MIOS: variants seen among roughly 807,000 people sequenced by gnomAD.
MIOS encodes the protein GATOR2 complex protein MIOS.
In MIOS, 52 loss-of-function variants were observed where a neutral mutation model predicts 96.9. That is an observed-to-expected ratio of 0.54 (90% CI 0.43 to 0.68). The LOEUF (loss-of-function observed/expected upper bound fraction) is 0.68. MIOS is among the 30% of genes least tolerant of loss of function. The pLI is 0.00. For missense variants in MIOS, 1,005 were observed against 1,052.8 expected (o/e 0.95, Z 0.63); for synonymous variants, 397 against 359.5 (o/e 1.10, Z -1.18).
chr7:7,600,369 G>A (rs1052247898), intron 11 of MIOS, among the ~76,000 whole-genome samples: 13 of 152,044 alleles, frequency 8.6e-5, no homozygotes, highest in Non-Finnish European at 1.6e-4. Context: ...TAAAGGGATG[G>A]AGGAAGATCT....
intron 11 of MIOS, 156 bp from the exon 12 acceptor site, chr7:7,605,786 T>C (rs1231847384): frequency 1.6e-6 from 1 of 625,666 alleles, no homozygotes; most frequent in Non-Finnish European, 2.5e-6. Flanking sequence ...TGTCATTCAG[T>C]TTCGCTTCAT....
chr7:7,567,519 A>T (rs1398678447), intron 1 of MIOS, 88 bp from the exon 2 acceptor site: 1 of 152,220 alleles, frequency 6.6e-6, no homozygotes, highest in African/African-American at 2.4e-5. Flanking sequence ...GAGTAATGAA[A>T]ATTAAGAGGA....
At chr7:7,585,842 T>A in intron 7 of MIOS, 37 bp downstream of exon 7, 1 of 1,535,548 alleles carries the variant, frequency 6.5e-7, no homozygotes, top group Non-Finnish European at 8.8e-7. Flanking sequence ...TCCTTTGAAT[T>A]AAGATAGGAG....
At chr7:7,594,137 T>G (rs1259131523) in intron 9 of MIOS, among the ~76,000 whole-genome samples, 3 of 152,086 alleles carry the variant, frequency 2.0e-5, no homozygotes, top group Admixed American at 2.0e-4. Context: ...TTATTATTTT[T>G]AAGGCAAGAA....
intron 5 of MIOS, among the ~76,000 whole-genome samples, chr7:7,580,296 A>G (rs1783670255): frequency 6.6e-6 from 1 of 152,304 alleles, no homozygotes; most frequent in East Asian, 1.9e-4. Context: ...TTCATAAGCT[A>G]AAAGTGATTT....
rs373741698 is a variant in MIOS at position 7,585,696 on chromosome 7, C to A, written c.1709C>A (p.Ser570Tyr). The A allele has an allele frequency of 6.2e-7, 1 of 1,610,280 alleles. No individual in the cohort carries two copies. The highest frequency in any genetic ancestry group is 8.5e-7 in the Non-Finnish European group (1 of 1,178,340). The change falls in exon 7 of 13, where the codon TCC becomes TAC. Residue 570 changes from serine to tyrosine, a missense_variant. Ser to Tyr is a moderately radical substitution (Grantham distance 144). Around this residue, in one of 3 missense-constraint regions of MIOS, gnomAD observed 865 missense variants for 887.9 expected, o/e 0.97. Transcript: ENST00000340080. ...ALSGYTDEKNSLWREMCSTLR... is the reference protein window; with the variant it reads ...ALSGYTDEKNYLWREMCSTLR... ...TCGGGTTATACGGATGAGAAGAACT[C>A]CCTTTGGAGAGAAATGTGTAGCACA...
chr7:7,581,705 AG>A (rs1210120379), intron 5 of MIOS: 4 of 152,226 alleles, frequency 2.6e-5, no homozygotes, highest in African/African-American at 9.6e-5. Flanking sequence ...GGCTATTCAC[AG>A]TTCCTTGCCA....
chr7:7,575,332 C>T (rs2115362606), intron 5 of MIOS, among the ~76,000 whole-genome samples: 1 of 151,982 alleles, frequency 6.6e-6, no homozygotes, highest in South Asian at 2.1e-4. Flanking sequence ...TAACGTCTTT[C>T]AAATTACTTT....
At chr7:7,571,579 A>T (rs1468926341) in intron 3 of MIOS, among the ~76,000 whole-genome samples, 1 of 152,250 alleles carries the variant, frequency 6.6e-6, no homozygotes, top group Non-Finnish European at 1.5e-5. Flanking sequence ...TTTAAAAATG[A>T]GTCAGTTTAA....
At chr7:7,574,554 A>G (rs1645188466) in intron 5 of MIOS, among the ~76,000 whole-genome samples, 1 of 152,158 alleles carries the variant, frequency 6.6e-6, no homozygotes, top group African/African-American at 2.4e-5. Context: ...CTTCTTAAAA[A>G]CTAAAAAGAT....
At chr7:7,576,298 T>C (rs537353756) in intron 5 of MIOS, among the ~76,000 whole-genome samples, 2 of 152,326 alleles carry the variant, frequency 1.3e-5, no homozygotes, top group South Asian at 4.1e-4. Flanking sequence ...AGAAGATACA[T>C]AAATCTCTTC....
At chr7:7,567,928 ATGTGT>A (rs1290840086) in intron 2 of MIOS, 93 bp from the exon 3 acceptor site, 1 of 152,230 alleles carries the variant, frequency 6.6e-6, no homozygotes, top group African/African-American at 2.4e-5. Context: ...GCTAAATAAA[ATGTGT>A]TTTTAAATTT....
At chr7:7,579,879 A>G (rs1395196719) in intron 5 of MIOS, among the ~76,000 whole-genome samples, 3 of 152,190 alleles carry the variant, frequency 2.0e-5, no homozygotes, top group Admixed American at 6.5e-5. Context: ...GCGTAATGAC[A>G]CATTTCTCAG....
In MIOS at chr7:7,589,390, C is replaced by T; in HGVS notation, c.1885-15C>T. On this transcript the variant is annotated splice_polypyrimidine_tract_variant and intron_variant, in intron 8 of 12. Transcript: ENST00000340080. ...GAAACAGATTGCTTTAGAAAAATCA[C>T]TTTAAATTTTCCAGTTAAATAGATA... 6.2e-7 allele frequency: 1 copy of T among 1,609,704 alleles called. No homozygotes were observed. The highest frequency in any genetic ancestry group is 8.5e-7 in the Non-Finnish European group (1 of 1,177,220).
rs781125626 is a variant in MIOS at position 7,573,262 on chromosome 7, TTGAC to T, written c.791_794del (p.Thr264SerfsTer6). 1.9e-6 allele frequency: 3 copies of T among 1,614,104 alleles called. No individual in the cohort carries two copies. The highest frequency in any genetic ancestry group is 3.3e-5 in the Admixed American group (2 of 60,022). On this transcript the variant is annotated frameshift_variant, in exon 4 of 13. Coordinates refer to ENST00000340080, the MANE Select transcript of MIOS (RefSeq NM_019005.4). LOFTEE classifies it high-confidence loss of function. This position sits in a 1 kb window ranked among gnomAD's most constrained non-coding sequence, Gnocchi z 5.0. ...AAAATTTGAGAAGCCAGTTTTGACA[TTGAC>T]TGAGCAACCAAAACCCTTAACAAAA...
intron 12 of MIOS, among the ~76,000 whole-genome samples, chr7:7,606,525 G>T (rs1784535648): frequency 6.6e-6 from 1 of 152,140 alleles, no homozygotes; most frequent in Non-Finnish European, 1.5e-5. Context: ...TGGTGCCAGT[G>T]GCCCTGTGCT....
At chr7:7,569,196 G>C (rs1783260490) in intron 3 of MIOS, among the ~76,000 whole-genome samples, 1 of 152,196 alleles carries the variant, frequency 6.6e-6, no homozygotes, top group Admixed American at 6.5e-5. Context: ...GGCAGTATCT[G>C]TTCCTCTTTG....
rs1474418680 is a variant in MIOS at position 7,594,985 on chromosome 7, A to G, written c.2049A>G (p.Ser683=). The G allele has an allele frequency of 6.3e-7, 1 of 1,593,826 alleles. No homozygotes were observed. Among genetic ancestry groups the G allele is most frequent in the Admixed American group, 1.8e-5 (1 of 55,640 alleles). The change falls in exon 10 of 13, where the codon TCA becomes TCG. Residue 683 remains serine, a synonymous_variant. Transcript: ENST00000340080. Reference sequence around the variant, plus strand: ...AATTCATGTTTTCGTTTTAGGGTTCACCTTTAGATGTTCTTAAAGATGAAA... The same window carrying G: ...AATTCATGTTTTCGTTTTAGGGTTCGCCTTTAGATGTTCTTAAAGATGAAA... ...QTASYCMLQG[S]PLDVLKDERV...
chr7:7,572,753 G>A lies in MIOS; in HGVS notation c.278G>A (p.Gly93Asp), dbSNP rs1563013308. Residue 93 changes from glycine to aspartate, a missense_variant, in exon 4 of 13, where the codon GGT (glycine) becomes GAT (aspartate). Gly to Asp is a moderately conservative substitution (Grantham distance 94, BLOSUM62 -1). This residue lies in a region of MIOS where 137 missense variants were observed against 148.6 expected (regional missense o/e 0.92). Transcript: ENST00000340080. The surrounding 1 kb of genome is among the most constrained non-coding windows in gnomAD (Gnocchi z 4.8). ...ANGRVVLTSL[G>D]QDHNSKFKDL... ...GGTCGAGTTGTACTTACAAGCCTTG[G>A]TCAAGATCATAACTCAAAGTTCAAA... is the stretch of plus-strand genomic sequence containing the variant. The A allele has an allele frequency of 6.2e-7, 1 of 1,614,118 alleles. No individual in the cohort carries two copies. The highest frequency in any genetic ancestry group is 8.5e-7 in the Non-Finnish European group (1 of 1,180,004).
Sources: allele counts gnomAD v4.1 joint callset (sites outside exome capture counted in the v4.1 genomes callset), GRCh38; gene constraint gnomAD v4.1.1; regional missense constraint gnomAD v4.1.1; non-coding constraint Gnocchi (gnomAD v3.1); transcripts MANE v1.5; gene names NCBI Gene and HGNC (gene_info 2026-07-23, HGNC 2026-07-21).